CPS1: variants seen among roughly 807,000 people sequenced by gnomAD.
CPS1 encodes the protein carbamoyl-phosphate synthase 1.
A neutral mutation model predicts 174.6 loss-of-function variants in CPS1; 109 were observed. The observed-to-expected ratio is 0.62, with a 90% confidence interval of 0.53 to 0.73. The LOEUF (loss-of-function observed/expected upper bound fraction) is 0.73, where lower values mean the gene tolerates loss of function less well. CPS1 is among the 30% of genes least tolerant of loss of function. The pLI is 0.00. For synonymous variants in CPS1, 637 were observed against 632.0 expected, an observed-to-expected ratio of 1.01 and a Z score of -0.12; for missense variants, 1,689 against 1,821.9, an observed-to-expected ratio of 0.93 and a Z score of 1.33.
intron 1 of CPS1, among the ~76,000 whole-genome samples, chr2:210,527,841 G>A (rs1696017324): frequency 6.6e-6 from 1 of 151,750 alleles, no homozygotes; most frequent in African/African-American, 2.4e-5. Context: ...GTGGGGGAGA[G>A]GCAGTCATAC....
intron 1 of CPS1, among the ~76,000 whole-genome samples, chr2:210,478,631 C>T (rs1459562094): frequency 1.3e-5 from 2 of 152,052 alleles, no homozygotes; most frequent in Middle Eastern, 3.2e-3. Flanking sequence ...GAAGTTAAAC[C>T]CATCTAATTG....
Position 210,600,689 on chromosome 2 carries a change from G to T in CPS1, c.1684G>T (p.Ala562Ser), listed in dbSNP as rs749202160. 1 of 1,611,994 alleles carries T rather than the reference G, an allele frequency of 6.2e-7. No individual in the cohort carries two copies. Among genetic ancestry groups the T allele is most frequent in the Non-Finnish European group, 8.5e-7 (1 of 1,178,652 alleles). ...DKLNEINEKI[A>S]PSFAVESIED... ...ACTAAATGAGATCAATGAAAAGATT[G>T]CTCCAAGTTTTGCAGTGGAATCGGT... Residue 562 changes from alanine (A) to serine (S), a missense_variant, in exon 15 of 38, where the codon GCT (alanine) becomes TCT (serine). By Grantham distance (99) the Ala-to-Ser change is moderately conservative. Coordinates refer to ENST00000233072, the MANE Select transcript of CPS1 (RefSeq NM_001875.5).
chr2:210,658,713 A>G, intron 31 of CPS1, 25 bp downstream of exon 31: 1 of 1,504,594 alleles, frequency 6.6e-7, no homozygotes, highest in Non-Finnish European at 9.3e-7. Context: ...GGTGCCTGAG[A>G]GGACACCACC....
At chr2:210,604,987 C>T (rs1043232960) in intron 16 of CPS1, 115 bp from the exon 17 acceptor site, 56 of 1,112,312 alleles carry the variant, frequency 5.0e-5, no homozygotes, top group South Asian at 2.3e-4. Context: ...AGAATGGAGA[C>T]GGGGTTTGAG....
chr2:210,597,237 C>G (rs1260505764), intron 13 of CPS1, among the ~76,000 whole-genome samples: 1 of 151,782 alleles, frequency 6.6e-6, no homozygotes, highest in Non-Finnish European at 1.5e-5. Flanking sequence ...ATTATAAAAG[C>G]ATTTGCTTAC....
At chr2:210,598,442 A>G (rs1186987322) in intron 13 of CPS1, among the ~76,000 whole-genome samples, 2 of 151,774 alleles carry the variant, frequency 1.3e-5, no homozygotes, top group East Asian at 3.9e-4. Context: ...GCAAAACCCA[A>G]TGGTATGCTG....
In CPS1 at chr2:210,608,542, A is replaced by G; in HGVS notation, c.2374A>G (p.Met792Val). Reference protein sequence around the residue: ...HGTSSRIGSSMKSVGEVMAIG... With the variant: ...HGTSSRIGSSVKSVGEVMAIG... ...AACATCTAGCCGAATTGGTAGCTCT[A>G]TGAAAAGTGTAGGAGAGGTGAGTCC... The change falls in exon 19 of 38, where the codon ATG (methionine) becomes GTG (valine). Residue 792 changes from methionine (M) to valine (V), a missense_variant. Coordinates refer to ENST00000233072, the MANE Select transcript of CPS1 (RefSeq NM_001875.5). 1 of 1,612,006 alleles carries G rather than the reference A, an allele frequency of 6.2e-7. No individual in the cohort carries two copies. Among genetic ancestry groups the G allele is most frequent in the Non-Finnish European group, 8.5e-7 (1 of 1,178,636 alleles).
chr2:210,507,320 C>A (rs890775031), intron 1 of CPS1, among the ~76,000 whole-genome samples: 3 of 152,124 alleles, frequency 2.0e-5, no homozygotes, highest in African/African-American at 7.2e-5. Flanking sequence ...TATAGATAAG[C>A]AAATGCTGAG....
chr2:210,496,890 T>G (rs928631913), intron 1 of CPS1, among the ~76,000 whole-genome samples: 39 of 152,324 alleles, frequency 2.6e-4, no homozygotes, highest in African/African-American at 8.7e-4. Context: ...TTTCCTTCAT[T>G]GCATTTATCT....
chr2:210,660,655 G>T lies in CPS1; in HGVS notation c.3927G>T (p.Lys1309Asn). 1 of 1,613,712 alleles carries T rather than the reference G, an allele frequency of 6.2e-7. No homozygotes were observed. The highest frequency in any genetic ancestry group is 8.5e-7 in the Non-Finnish European group (1 of 1,179,716). ...PIIPADYVAI[K>N]APMFSWPRLR... is the part of the protein sequence containing the mutation. ...TTCCTGCTGACTATGTTGCAATTAA[G>T]GTAACATTTTCAAAAATTTATTAGT... is the stretch of plus-strand genomic sequence containing the variant. Residue 1309 changes from lysine (K) to asparagine (N), a missense_variant and splice_region_variant, in exon 32 of 38, where the codon AAG becomes AAT. Transcript: ENST00000233072.
At chr2:210,504,023 A>ATT (rs895871435) in intron 1 of CPS1, among the ~76,000 whole-genome samples, 10 of 150,052 alleles carry the variant, frequency 6.7e-5, no homozygotes, top group African/African-American at 2.5e-4. Context: ...ATGTGTTGTG[A>ATT]TTTTTTTTTT....
At chr2:210,627,727 G>A (rs1699738609) in intron 21 of CPS1, among the ~76,000 whole-genome samples, 1 of 152,202 alleles carries the variant, frequency 6.6e-6, no homozygotes, top group Admixed American at 6.5e-5. Context: ...ACCTCAAAGT[G>A]TGAGTACAGA....
upstream of CPS1, among the ~76,000 whole-genome samples, chr2:210,555,988 A>G (rs1342855009): frequency 6.6e-6 from 1 of 152,058 alleles, no homozygotes; most frequent in Non-Finnish European, 1.5e-5. Flanking sequence ...GAGGGATATA[A>G]TAGTCCACTT....
intron 19 of CPS1, 149 bp from the exon 20 acceptor site, chr2:210,611,968 C>A: frequency 1.5e-6 from 1 of 667,438 alleles, no homozygotes; most frequent in Non-Finnish European, 2.4e-6. Flanking sequence ...AAAAAAGGAA[C>A]ACCTTTTTTT....
At chr2:210,508,759 C>G (rs959711154) in intron 1 of CPS1, among the ~76,000 whole-genome samples, 2 of 152,258 alleles carry the variant, frequency 1.3e-5, no homozygotes, top group Admixed American at 6.5e-5. Flanking sequence ...CACCTCTACG[C>G]AAATAAACTA....
At chr2:210,668,409 T>C (rs1221470808) in intron 34 of CPS1, 125 bp downstream of exon 34, 1 of 762,842 alleles carries the variant, frequency 1.3e-6, no homozygotes. Context: ...TATGGCAACT[T>C]CCAGGAAGAA....
At chr2:210,607,194 G>A (rs1698943865) in intron 18 of CPS1, among the ~76,000 whole-genome samples, 4 of 151,910 alleles carry the variant, frequency 2.6e-5, no homozygotes. Flanking sequence ...GGCTAAAGCA[G>A]GCTGTGAAAA....
chr2:210,604,363 C>G (rs143585584), intron 16 of CPS1, among the ~76,000 whole-genome samples: 215 of 151,982 alleles, frequency 1.4e-3, no homozygotes, highest in African/African-American at 4.8e-3. Flanking sequence ...AGACATTTCT[C>G]CCTTGGATTA....
intron 21 of CPS1, among the ~76,000 whole-genome samples, chr2:210,623,340 C>T (rs1699593489): frequency 6.6e-6 from 1 of 151,770 alleles, no homozygotes; most frequent in African/African-American, 2.4e-5. Context: ...TATTTGTTTC[C>T]CTATTGTTGA....
Sources: gnomAD v4.1 joint callset for allele counts (sites outside exome capture counted in the v4.1 genomes callset) on GRCh38, gnomAD v4.1.1 for gene constraint, MANE v1.5 for transcripts, NCBI Gene and HGNC (gene_info 2026-07-23, HGNC 2026-07-21) for gene names.